SEMA6D: variants seen among roughly 807,000 people sequenced by gnomAD.
The protein encoded by SEMA6D is semaphorin 6D.
A neutral mutation model predicts 106.6 loss-of-function variants in SEMA6D; 35 were observed. The observed-to-expected ratio is 0.33, with a 90% CI of 0.25 to 0.44. The LOEUF is 0.44. SEMA6D is among the 20% of genes least tolerant of loss of function. The pLI is 1.00. For missense variants in SEMA6D, 1,185 were observed against 1,345.9 expected, an observed-to-expected ratio of 0.88 and a Z score of 1.87; for synonymous variants, 499 against 487.7, an observed-to-expected ratio of 1.02 and a Z score of -0.31.
At chr15:47,523,553 A>T (rs1255235950) in intron 3 of SEMA6D, among the ~76,000 whole-genome samples, 1 of 152,160 alleles carries the variant, frequency 6.6e-6, no homozygotes, top group Non-Finnish European at 1.5e-5. Context: ...TGATGCCCAG[A>T]CTTAAACAGG....
chr15:47,639,792 A>G (rs2077455996), intron 4 of SEMA6D, among the ~76,000 whole-genome samples: 1 of 152,152 alleles, frequency 6.6e-6, no homozygotes, highest in African/African-American at 2.4e-5. Context: ...CTGGTGGAAC[A>G]CTCTTAAAAA....
intron 4 of SEMA6D, among the ~76,000 whole-genome samples, chr15:47,627,475 G>A (rs2077222985): frequency 6.6e-6 from 1 of 152,088 alleles, no homozygotes; most frequent in Non-Finnish European, 1.5e-5. Flanking sequence ...CCATCTCTGA[G>A]CCATCACTGT....
intron 3 of SEMA6D, among the ~76,000 whole-genome samples, chr15:47,578,867 A>G (rs1247131118): frequency 2.0e-5 from 3 of 152,168 alleles, no homozygotes; most frequent in African/African-American, 7.2e-5. Flanking sequence ...GATTAAGGAT[A>G]CTTGTCAAAG....
At chr15:47,592,967 G>C (rs763489295) in intron 3 of SEMA6D, among the ~76,000 whole-genome samples, 41 of 152,092 alleles carry the variant, frequency 2.7e-4, no homozygotes, top group African/African-American at 4.8e-5. Context: ...GCTAGGTCTT[G>C]GCACAGTACA....
chr15:47,254,050 AT>A (rs1273530147), intron 1 of SEMA6D, among the ~76,000 whole-genome samples: 4 of 151,230 alleles, frequency 2.6e-5, no homozygotes, highest in Non-Finnish European at 4.4e-5. Context: ...AATAGTCTTC[AT>A]TGTAGAGATC....
At chr15:47,293,132 T>C (rs1156863909) in intron 1 of SEMA6D, among the ~76,000 whole-genome samples, 2 of 152,180 alleles carry the variant, frequency 1.3e-5, no homozygotes. Context: ...AAAGCCGAAT[T>C]TGAGCATGTT....
chr15:47,247,202 G>A (rs943134019), intron 1 of SEMA6D, among the ~76,000 whole-genome samples: 3 of 152,118 alleles, frequency 2.0e-5, no homozygotes, highest in Non-Finnish European at 4.4e-5. Context: ...AAGAGATTGA[G>A]GCCTGAGGTA....
intron 3 of SEMA6D, among the ~76,000 whole-genome samples, chr15:47,526,829 C>T (rs1421039277): frequency 1.3e-5 from 2 of 152,108 alleles, no homozygotes; most frequent in Admixed American, 6.6e-5. Context: ...CTCCGCCTCC[C>T]GGGTTCAAGC....
chr15:47,676,243 T>C (rs575941694), intron 4 of SEMA6D, among the ~76,000 whole-genome samples: 2 of 152,346 alleles, frequency 1.3e-5, no homozygotes, highest in East Asian at 3.9e-4. Flanking sequence ...ATGTGAAGTA[T>C]GATTTTGCTT....
At chr15:47,540,250 A>G (rs562700064) in intron 3 of SEMA6D, among the ~76,000 whole-genome samples, 62 of 152,318 alleles carry the variant, frequency 4.1e-4, no homozygotes, top group African/African-American at 1.4e-3. Context: ...ATCCACCCAC[A>G]TATAAACGAG....
At chr15:47,634,182 G>T (rs1292203969) in intron 4 of SEMA6D, among the ~76,000 whole-genome samples, 5 of 152,066 alleles carry the variant, frequency 3.3e-5, no homozygotes, top group Non-Finnish European at 7.4e-5. Flanking sequence ...TTAACTTTCT[G>T]TTGGGCACCA....
rs140107834 is a variant in SEMA6D, at chr15:47,459,303, C to G, written c.-158-11171C>G. Among the ~76,000 whole-genome samples the G allele has an allele frequency of 6.1e-3, 927 of 152,146 alleles. 12 individuals carry two copies. The highest frequency in any genetic ancestry group is 0.021 in the African/African-American group (883 of 41,552). ...CAACAGCCTGTAGAAAGCCAGGCCC[C>G]TCATTCAAATTGCTGTCAGGAAATG... is the stretch of plus-strand genomic sequence containing the variant. On this transcript the variant is annotated intron_variant, in intron 2 of 19. Coordinates refer to the SEMA6D transcript ENST00000558014.
At chr15:47,202,276 C>T (rs1330520166) in intron 1 of SEMA6D, among the ~76,000 whole-genome samples, 1 of 151,952 alleles carries the variant, frequency 6.6e-6, no homozygotes, top group Non-Finnish European at 1.5e-5. Context: ...CTGAGAAAGG[C>T]GGTCTCCCAA....
intron 3 of SEMA6D, among the ~76,000 whole-genome samples, chr15:47,496,512 G>A (rs1038487642): frequency 6.6e-6 from 1 of 151,880 alleles, no homozygotes; most frequent in African/African-American, 2.4e-5. Flanking sequence ...CCTGTTTTCA[G>A]CTCCACAAGC....
intron 1 of SEMA6D, among the ~76,000 whole-genome samples, chr15:47,380,032 A>G (rs909426536): frequency 3.3e-5 from 5 of 152,218 alleles, no homozygotes; most frequent in African/African-American, 7.2e-5. Context: ...CTGGGATTAC[A>G]GGCGTGAGCC....
chr15:47,356,862 CA>C (rs2038594037), intron 1 of SEMA6D, among the ~76,000 whole-genome samples: 1 of 152,138 alleles, frequency 6.6e-6, no homozygotes, highest in South Asian at 2.1e-4. Context: ...CTGCCCAATA[CA>C]CATGTATAAA....
rs528870467 is a variant in SEMA6D at position 47,725,623 on chromosome 15, C to A, written c.-55+7931C>A. 1.5e-3 allele frequency among the ~76,000 whole-genome samples: 232 copies of A among 152,124 alleles called. 1 individual carries two copies. The highest frequency in any genetic ancestry group is 5.5e-3 in the African/African-American group (228 of 41,502). The stretch of plus-strand genomic sequence containing the variant: ...GATAACCTGTTTAGACATTAGAGTT[C>A]CCAAGCCATCATTAACCCTTTGATT... On this transcript the variant is annotated intron_variant, in intron 1 of 18. Transcript: ENST00000536845.
At position 47,760,993 on chromosome 15, in the gene SEMA6D, A is replaced by G. The variant is rs1199464965; in HGVS notation, c.237A>G (p.Thr79=). 1.9e-6 allele frequency: 3 copies of G among 1,613,208 alleles called. No homozygotes were observed. The highest frequency in any genetic ancestry group is 1.3e-5 in the African/African-American group (1 of 74,906). ...LYIAGRDQVY[T]VNLNEMPKTE... is the part of the protein sequence containing the mutation. ...TTTCCAACAGGGATCAAGTTTATAC[A>G]GTAAACTTAAATGAAATGCCCAAAA... Residue 79 remains threonine (T), a synonymous_variant, in exon 4 of 19, where the codon ACA becomes ACG. Transcript: ENST00000536845.
At chr15:47,343,482 C>T in intron 1 of SEMA6D, among the ~76,000 whole-genome samples, 1 of 151,152 alleles carries the variant, frequency 6.6e-6, no homozygotes, top group Non-Finnish European at 1.5e-5. Flanking sequence ...GTTCAATTCC[C>T]ATCTATGAGT....
Sources: allele counts gnomAD v4.1 joint callset (sites outside exome capture counted in the v4.1 genomes callset), GRCh38; gene constraint gnomAD v4.1.1; transcripts MANE v1.5; gene names NCBI Gene and HGNC (gene_info 2026-07-23, HGNC 2026-07-21).